ROBO1: variants seen among roughly 807,000 people sequenced by gnomAD.
ROBO1 encodes roundabout homolog 1.
ROBO1 carries 149 observed loss-of-function variants against 195.9 expected under a neutral mutation model. The ratio of observed to expected loss-of-function variants is 0.76; its 90% CI spans 0.67 to 0.87. The LOEUF (loss-of-function observed/expected upper bound fraction) is 0.87, where lower values mean the gene tolerates loss of function less well. Among genes scored for constraint, ROBO1 ranks in the 40% least tolerant of loss-of-function variants. The pLI, the probability that ROBO1 is intolerant of heterozygous loss-of-function variation, is 0.00. For missense variants in ROBO1, 1,933 were observed against 2,068.3 expected, an observed-to-expected ratio of 0.93 and a Z score of 1.27; for synonymous variants, 816 against 733.2, an observed-to-expected ratio of 1.11 and a Z score of -1.82.
intron 4 of ROBO1, among the ~76,000 whole-genome samples, chr3:78,773,681 A>G (rs1226033449): frequency 1.3e-5 from 2 of 152,190 alleles, no homozygotes; most frequent in Non-Finnish European, 2.9e-5. Flanking sequence ...GACTTAGTCT[A>G]CACTCTGTCA....
At chr3:79,379,509 C>A (rs914800028) in intron 2 of ROBO1, among the ~76,000 whole-genome samples, 15 of 152,216 alleles carry the variant, frequency 9.9e-5, no homozygotes, top group Non-Finnish European at 1.5e-5. Flanking sequence ...TACCTGATGA[C>A]TGGTGCCAAA....
chr3:78,701,128 TAA>T (rs1481361554), intron 8 of ROBO1, among the ~76,000 whole-genome samples: 2 of 152,222 alleles, frequency 1.3e-5, no homozygotes, highest in Non-Finnish European at 2.9e-5. Flanking sequence ...TTTGTAATTT[TAA>T]AAAGAGTAAA....
chr3:79,649,569 G>C (rs965088501), intron 1 of ROBO1, among the ~76,000 whole-genome samples: 1 of 152,046 alleles, frequency 6.6e-6, no homozygotes, highest in African/African-American at 2.4e-5. Flanking sequence ...AAATTAGAGT[G>C]ACTATGGAAA....
At chr3:79,167,306 C>T (rs147497098) in intron 2 of ROBO1, among the ~76,000 whole-genome samples, 44 of 152,102 alleles carry the variant, frequency 2.9e-4, no homozygotes, top group African/African-American at 9.7e-4. Context: ...CTTGTGCCAA[C>T]AAAATTCCAG....
intron 3 of ROBO1, among the ~76,000 whole-genome samples, chr3:79,074,583 C>T (rs2079140824): frequency 6.7e-6 from 1 of 149,902 alleles, no homozygotes; most frequent in Admixed American, 6.7e-5. Flanking sequence ...ATGTTCAGCT[C>T]ATTATTATTA....
At chr3:78,931,289 G>A (rs1181218680) in intron 4 of ROBO1, among the ~76,000 whole-genome samples, 1 of 137,978 alleles carries the variant, frequency 7.2e-6, no homozygotes, top group Non-Finnish European at 1.5e-5. Context: ...TGCCCAGGCA[G>A]GAGTACAATG....
chr3:78,717,676 A>C (rs532173644), intron 6 of ROBO1, 87 bp downstream of exon 6: 1 of 1,443,682 alleles, frequency 6.9e-7, no homozygotes, highest in East Asian at 2.4e-5. Flanking sequence ...TATTTGGCTT[A>C]ACAATTTTTC....
chr3:79,700,293 GTGTGTGTGTTTGTGTGTGTGTGTT>G (rs1947577584), intron 1 of ROBO1, among the ~76,000 whole-genome samples: 1 of 137,412 alleles, frequency 7.3e-6, no homozygotes, highest in Non-Finnish European at 1.5e-5. Flanking sequence ...GAACACGTGT[GTGTGTGTGTTTGTGTGTGTGTGTT>G]TGTGTGTGTG....
Position 78,949,446 on chromosome 3 carries a change from C to G in ROBO1, c.173-10519G>C, listed in dbSNP as rs1263689334. 4.6e-5 allele frequency among the ~76,000 whole-genome samples: 7 copies of G among 151,192 alleles called. No individual in the cohort carries two copies. The East Asian group carries it at 9.7e-4, about 21-fold the overall frequency. ...TATTTAATAAATGGTGCTGGGAAAA[C>G]TGGCTAGCCATATGTAGAAAGCTGA... On this transcript the variant is annotated intron_variant, in intron 3 of 30. Transcript: ENST00000464233.
At chr3:79,767,644 C>G (rs550402222) in intron 1 of ROBO1, 108 bp downstream of exon 1, 32 of 152,348 alleles carry the variant, frequency 2.1e-4, no homozygotes, top group African/African-American at 7.0e-4. Flanking sequence ...AGAGTCCTCT[C>G]GGCAACCATT....
intron 2 of ROBO1, among the ~76,000 whole-genome samples, chr3:79,411,868 A>G (rs1324655511): frequency 1.3e-5 from 2 of 152,206 alleles, no homozygotes; most frequent in African/African-American, 2.4e-5. Context: ...ATTCCTAAAT[A>G]TAATGAAGAA....
chr3:79,765,971 G>A (rs1704962426), intron 1 of ROBO1, among the ~76,000 whole-genome samples: 3 of 152,062 alleles, frequency 2.0e-5, no homozygotes, highest in Admixed American at 1.3e-4. Flanking sequence ...CTTACACAGG[G>A]CAGATGACAC....
intron 21 of ROBO1, among the ~76,000 whole-genome samples, chr3:78,644,303 C>T (rs371088532): frequency 1.3e-5 from 2 of 152,038 alleles, no homozygotes; most frequent in African/African-American, 2.4e-5. Flanking sequence ...CTCGCATTTC[C>T]GCCACTATAA....
chr3:79,365,656 G>A (rs376828952), intron 2 of ROBO1, among the ~76,000 whole-genome samples: 2 of 152,086 alleles, frequency 1.3e-5, no homozygotes, highest in East Asian at 3.9e-4. Flanking sequence ...CCAGCACTTT[G>A]GGAGGCCGAG....
At chr3:79,633,388 C>T (rs1427105302) in intron 1 of ROBO1, among the ~76,000 whole-genome samples, 2 of 139,068 alleles carry the variant, frequency 1.4e-5, no homozygotes, top group Non-Finnish European at 3.1e-5. Flanking sequence ...TGGGGTTTCA[C>T]CATGTTGGCC....
At position 79,760,236 on chromosome 3, in the gene ROBO1, C is replaced by CAAA. The variant is rs11451206; in HGVS notation, c.-51+7513_-51+7515dup. ...TGGGTGAGACAGTGAGACCCTATCT[C>CAAA]AAAAAAAAAAAAAAAAAAAAAAAAA... On this transcript the variant is annotated intron_variant, in intron 1 of 30. Transcript: ENST00000464233. Among the ~76,000 whole-genome samples the CAAA allele has an allele frequency of 3.1e-3, 14 of 4,512 alleles. 5 individuals are homozygous for CAAA. Among genetic ancestry groups the CAAA allele is most frequent in the African/African-American group, 5.9e-3 (9 of 1,518 alleles). 3.0% of individuals were successfully genotyped at this position (4,512 alleles called of 152,430 possible). A position where few individuals can be genotyped will look rare whatever the true frequency, so the allele number is the denominator to read the frequency against.
At chr3:78,665,608 C>A (rs1030059526) in intron 14 of ROBO1, among the ~76,000 whole-genome samples, 3 of 152,080 alleles carry the variant, frequency 2.0e-5, no homozygotes, top group Non-Finnish European at 2.9e-5. Flanking sequence ...TTAGTCCTGA[C>A]ACTAAAAGAA....
chr3:79,546,080 AT>A (rs1430295656), intron 2 of ROBO1, among the ~76,000 whole-genome samples: 1 of 152,086 alleles, frequency 6.6e-6, no homozygotes, highest in African/African-American at 2.4e-5. Flanking sequence ...CACTTAATGT[AT>A]AGTAAATATT....
At chr3:79,641,632 A>T (rs2106670782) in intron 1 of ROBO1, among the ~76,000 whole-genome samples, 1 of 152,332 alleles carries the variant, frequency 6.6e-6, no homozygotes, top group South Asian at 2.1e-4. Flanking sequence ...GAGCCCTCTG[A>T]CCAAGAATTC....
Sources: gnomAD v4.1 joint callset for allele counts (sites outside exome capture counted in the v4.1 genomes callset) on GRCh38, gnomAD v4.1.1 for gene constraint, MANE v1.5 for transcripts, NCBI Gene and HGNC (gene_info 2026-07-23, HGNC 2026-07-21) for gene names.